Variants in ALPK1 observed in about 807,000 individuals in gnomAD.
ALPK1 encodes the protein alpha kinase 1, also known as alpha-protein kinase 1.
ALPK1 carries 110 observed loss-of-function variants against 120.6 expected under a neutral mutation model. The observed-to-expected ratio is 0.91, with a 90% confidence interval of 0.78 to 1.07. The LOEUF is 1.07. Among genes scored for constraint, ALPK1 ranks in the 50% least tolerant of loss-of-function variants. ALPK1 has a pLI of 0.00. For missense variants in ALPK1, 1,498 were observed against 1,483.9 expected (o/e 1.01, Z -0.16); for synonymous variants, 582 against 560.3 (o/e 1.04, Z -0.55).
intron 9 of ALPK1, 68 bp from the exon 10 acceptor site, chr4:112,429,081 C>A: frequency 7.2e-7 from 1 of 1,381,396 alleles, no homozygotes; most frequent in Non-Finnish European, 1.0e-6. Flanking sequence ...AAAACCATTT[C>A]ATAGCCTGTT....
intron 2 of ALPK1, among the ~76,000 whole-genome samples, chr4:112,329,449 C>A (rs960898223): frequency 6.6e-6 from 1 of 152,170 alleles, no homozygotes; most frequent in Non-Finnish European, 1.5e-5. Flanking sequence ...CCTGCCCAGA[C>A]CCACGTATTT....
At chr4:112,398,029 C>T (rs113335617) in intron 4 of ALPK1, among the ~76,000 whole-genome samples, 151 of 152,152 alleles carry the variant, frequency 9.9e-4, no homozygotes, top group African/African-American at 3.3e-3. Flanking sequence ...TATAGATACT[C>T]TAATATGATT....
chr4:112,360,291 GTA>G (rs558521952), intron 2 of ALPK1, among the ~76,000 whole-genome samples: 1 of 151,916 alleles, frequency 6.6e-6, no homozygotes, highest in African/African-American at 2.4e-5. Context: ...TCCATTGTGT[GTA>G]TATATATATG....
intron 2 of ALPK1, among the ~76,000 whole-genome samples, chr4:112,333,748 G>GA (rs1457993608): frequency 6.6e-6 from 1 of 151,846 alleles, no homozygotes; most frequent in Non-Finnish European, 1.5e-5. Context: ...ACATAAATTA[G>GA]AAAAAAAATT....
chr4:112,394,083 A>G (rs1732546769), intron 4 of ALPK1, among the ~76,000 whole-genome samples: 1 of 152,172 alleles, frequency 6.6e-6, no homozygotes, highest in Non-Finnish European at 1.5e-5. Flanking sequence ...TCTAGAGAGA[A>G]TGAGAAGAGG....
intron 2 of ALPK1, among the ~76,000 whole-genome samples, chr4:112,373,611 G>A (rs914735874): frequency 1.6e-4 from 25 of 152,166 alleles, no homozygotes; most frequent in Non-Finnish European, 3.2e-4. Context: ...GTCACACAAA[G>A]CCGGGTGCAG....
Position 112,369,631 on chromosome 4 carries a change from C to T in ALPK1, c.-100-8047C>T, listed in dbSNP as rs1263441108. On this transcript the variant is annotated intron_variant, in intron 2 of 15. Transcript: ENST00000650871. The stretch of plus-strand genomic sequence containing the variant: ...CAGGAGGCAGAGGGTTGCAGTGAGC[C>T]GAGATTGCACCACTCCACTCCAGCC... 2.6e-5 allele frequency among the ~76,000 whole-genome samples: 4 copies of T among 151,946 alleles called. No individual in the cohort carries two copies. The South Asian group carries it at 6.2e-4, about 24-fold the overall frequency.
intron 2 of ALPK1, among the ~76,000 whole-genome samples, chr4:112,331,402 T>C (rs938710448): frequency 2.6e-5 from 4 of 152,212 alleles, no homozygotes; most frequent in Non-Finnish European, 5.9e-5. Flanking sequence ...AACCTCCTTG[T>C]CATCATCCTT....
chr4:112,391,693 C>T (rs575332450), intron 4 of ALPK1, among the ~76,000 whole-genome samples: 1 of 152,122 alleles, frequency 6.6e-6, no homozygotes, highest in Non-Finnish European at 1.5e-5. Flanking sequence ...GGGTTGCTGG[C>T]AACATCAGAA....
chr4:112,370,792 T>A lies in ALPK1; in HGVS notation c.-100-6886T>A, dbSNP rs369131067. Among the ~76,000 whole-genome samples the A allele has an allele frequency of 6.7e-4, 102 of 152,364 alleles. 2 individuals are homozygous for A. In the South Asian group the frequency reaches 0.021, roughly 31 times the overall value. On this transcript the variant is annotated intron_variant, in intron 2 of 15. Coordinates refer to ENST00000650871, the MANE Select transcript of ALPK1 (RefSeq NM_025144.4). ...TGTGACTTTCAAAAAGTATGAAGAA[T>A]GTCTTCAGTACATTTCTGGGGAATT...
At chr4:112,434,342 C>G (rs1253855533) in intron 11 of ALPK1, among the ~76,000 whole-genome samples, 1 of 152,204 alleles carries the variant, frequency 6.6e-6, no homozygotes, top group African/African-American at 2.4e-5. Flanking sequence ...TCCCGCCCAG[C>G]CCACAGGCAT....
chr4:112,415,474 A>T (rs1733698599), intron 5 of ALPK1, among the ~76,000 whole-genome samples: 1 of 152,112 alleles, frequency 6.6e-6, no homozygotes, highest in Non-Finnish European at 1.5e-5. Context: ...CATCTCTATT[A>T]AAAATACAAA....
chr4:112,393,408 A>G (rs1473384669), intron 4 of ALPK1, among the ~76,000 whole-genome samples: 1 of 152,186 alleles, frequency 6.6e-6, no homozygotes, highest in East Asian at 1.9e-4. Context: ...AAATAACAAA[A>G]CAAAAACAAG....
At chr4:112,358,964 C>G in intron 2 of ALPK1, 1 of 768,860 alleles carries the variant, frequency 1.3e-6, no homozygotes, top group Non-Finnish European at 2.4e-6. Flanking sequence ...TGCAGCCCCA[C>G]CACAAGCAGC....
intron 14 of ALPK1, 96 bp downstream of exon 14, chr4:112,439,968 C>A: frequency 9.4e-7 from 1 of 1,067,920 alleles, no homozygotes; most frequent in South Asian, 1.7e-5. Flanking sequence ...TAGATTGTTC[C>A]ATGTATAGGC....
At chr4:112,400,918 ATG>A (rs2148741309) in intron 4 of ALPK1, among the ~76,000 whole-genome samples, 1 of 152,264 alleles carries the variant, frequency 6.6e-6, no homozygotes, top group South Asian at 2.1e-4. Context: ...CCATCAGATA[ATG>A]TGTTTCATCC....
intron 2 of ALPK1, among the ~76,000 whole-genome samples, chr4:112,320,920 G>A (rs1330893983): frequency 8.0e-5 from 10 of 125,106 alleles, no homozygotes; most frequent in Admixed American, 4.9e-4. Flanking sequence ...TTTTTGAGAC[G>A]GAGTCTTGCT....
At chr4:112,347,310 C>A (rs979924340) in intron 2 of ALPK1, among the ~76,000 whole-genome samples, 1 of 152,202 alleles carries the variant, frequency 6.6e-6, no homozygotes, top group East Asian at 1.9e-4. Context: ...ACTTCTGGCA[C>A]GTAATCTTAA....
intron 12 of ALPK1, among the ~76,000 whole-genome samples, chr4:112,436,829 A>G (rs1451273610): frequency 1.3e-5 from 2 of 152,194 alleles, no homozygotes; most frequent in Non-Finnish European, 2.9e-5. Flanking sequence ...AGTATACCAT[A>G]GGAGGACCTG....
Sources: gnomAD v4.1 joint callset for allele counts (sites outside exome capture counted in the v4.1 genomes callset) on GRCh38, gnomAD v4.1.1 for gene constraint, MANE v1.5 for transcripts, NCBI Gene and HGNC (gene_info 2026-07-23, HGNC 2026-07-21) for gene names.